Variants in TRIO observed in about 807,000 individuals in gnomAD.
TRIO encodes trio Rho guanine nucleotide exchange factor.
In TRIO, 58 loss-of-function variants were observed where a neutral mutation model predicts 351.9. The ratio of observed to expected loss-of-function variants is 0.16; its 90% CI spans 0.13 to 0.21. TRIO has a LOEUF of 0.21. Ranked by LOEUF, TRIO falls within the 10% of genes least tolerant of loss-of-function variation. The pLI, the probability that TRIO is intolerant of heterozygous loss-of-function variation, is 1.00. For synonymous variants in TRIO, 1,758 were observed against 1,595.7 expected (o/e 1.10, Z -2.42); for missense variants, 3,201 against 4,027.8 (o/e 0.79, Z 5.56).
rs548160472 is a variant in TRIO, at chr5:14,448,943, A to G, written c.5204-12076A>G. Among the ~76,000 whole-genome samples, 17 of 152,276 alleles carry G rather than the reference A, an allele frequency of 1.1e-4. 1 individual carries two copies. The highest frequency in any genetic ancestry group is 3.9e-4 in the African/African-American group (16 of 41,546). The stretch of plus-strand genomic sequence containing the variant: ...CATACTGTTCATCTTCCCAAAAAAT[A>G]TATTTTAGGGGCTGGCTTACTTAAA... On this transcript the variant is annotated intron_variant, in intron 34 of 56. Transcript: ENST00000344204.
intron 34 of TRIO, among the ~76,000 whole-genome samples, chr5:14,455,773 C>T (rs1273614829): frequency 6.6e-6 from 1 of 152,240 alleles, no homozygotes; most frequent in African/African-American, 2.4e-5. Flanking sequence ...TACAATCCTC[C>T]AGCTAGACAT....
intron 34 of TRIO, among the ~76,000 whole-genome samples, chr5:14,460,488 A>G (rs1753697298): frequency 6.6e-6 from 1 of 152,156 alleles, no homozygotes; most frequent in African/African-American, 2.4e-5. Context: ...TTTTATCCGT[A>G]ATAATTACAC....
At chr5:14,298,400 C>T (rs1323601046) in intron 7 of TRIO, among the ~76,000 whole-genome samples, 1 of 152,112 alleles carries the variant, frequency 6.6e-6, no homozygotes, top group African/African-American at 2.4e-5. Flanking sequence ...CAGGAAGACA[C>T]ATATATGGGG....
intron 34 of TRIO, among the ~76,000 whole-genome samples, chr5:14,459,287 C>T (rs905335403): frequency 2.6e-5 from 4 of 152,204 alleles, no homozygotes; most frequent in African/African-American, 4.8e-5. Flanking sequence ...CAGGGAATGG[C>T]GTCCAGAGCC....
intron 1 of TRIO, among the ~76,000 whole-genome samples, chr5:14,250,598 C>G (rs1227833620): frequency 2.0e-5 from 3 of 152,136 alleles, no homozygotes; most frequent in Non-Finnish European, 4.4e-5. Flanking sequence ...TGGGCTTTTC[C>G]CTCCCTTGCC....
At position 14,286,994 on chromosome 5, in the gene TRIO, G is replaced by A. The variant is rs754893029; in HGVS notation, c.471G>A (p.Leu157=). The change falls in exon 4 of 57, where the codon CTG becomes CTA. Residue 157 remains leucine, a synonymous_variant. Transcript: ENST00000344204. The surrounding 1 kb of genome is among the most constrained non-coding windows in gnomAD (Gnocchi z 4.4). ...TCCCCTGCTGCATCCATGTGGCCCT[G>A]ATCATCAAGCCAGACAACTTCTGGC... ...ESFPCCIHVA[L]IIKPDNFWQK... is the part of the protein sequence containing the mutation. 8.7e-6 allele frequency: 14 copies of A among 1,614,194 alleles called. No individual in the cohort carries two copies. Among genetic ancestry groups the A allele is most frequent in the Middle Eastern group, 1.6e-4 (1 of 6,062 alleles).
chr5:14,216,571 C>G (rs1452132212), intron 1 of TRIO, among the ~76,000 whole-genome samples: 1 of 152,220 alleles, frequency 6.6e-6, no homozygotes, highest in African/African-American at 2.4e-5. Flanking sequence ...TCTCATAATA[C>G]TGACATCAAG....
In TRIO at chr5:14,387,331, G is replaced by A. The variant is rs539309834; in HGVS notation, c.3571-107G>A. The A allele has an allele frequency of 2.5e-4, 297 of 1,168,184 alleles. 1 individual carries two copies. In the Admixed American group the frequency reaches 6.1e-3, roughly 24 times the overall value. 72.4% of individuals were successfully genotyped at this position (1,168,184 alleles called of 1,614,324 possible). A position where few individuals can be genotyped will look rare whatever the true frequency, so the allele number is the denominator to read the frequency against. The stretch of plus-strand genomic sequence containing the variant: ...TTGGTCTCAGTTTCTACCATCAGCC[G>A]GTTTTCCTGTTCAGAGCTCAGAGTT... On this transcript the variant is annotated intron_variant, in intron 21 of 56. Transcript: ENST00000344204.
At chr5:14,294,450 T>C (rs897845433) in intron 6 of TRIO, among the ~76,000 whole-genome samples, 13 of 152,366 alleles carry the variant, frequency 8.5e-5, no homozygotes, top group African/African-American at 3.1e-4. Flanking sequence ...CTGTCAGTTT[T>C]TTTAGAATTT....
At chr5:14,155,777 A>C (rs1046347421) in intron 1 of TRIO, among the ~76,000 whole-genome samples, 1 of 152,180 alleles carries the variant, frequency 6.6e-6, no homozygotes, top group Non-Finnish European at 1.5e-5. Context: ...CACTTGGTTC[A>C]GGTGATGACT....
At chr5:14,166,054 C>T (rs1788746281) in intron 1 of TRIO, among the ~76,000 whole-genome samples, 1 of 152,218 alleles carries the variant, frequency 6.6e-6, no homozygotes, top group African/African-American at 2.4e-5. Context: ...GTGACGGTGT[C>T]ACTCATGGCC....
chr5:14,168,998 A>G (rs892894480), intron 1 of TRIO, among the ~76,000 whole-genome samples: 5 of 152,216 alleles, frequency 3.3e-5, no homozygotes, highest in Admixed American at 2.6e-4. Flanking sequence ...TGGACTTTGC[A>G]CATGGAGCCT....
In TRIO at chr5:14,462,857, G is replaced by A. The variant is rs774835487; in HGVS notation, c.5599G>A (p.Val1867Met). Reference sequence around the variant, plus strand: ...GGAAGGCGAGGAGGGGGCCGACGCCGTGCCCCTGCCGCCACCCATGGCCAT... The same window carrying A: ...GGAAGGCGAGGAGGGGGCCGACGCCATGCCCCTGCCGCCACCCATGGCCAT... ...EEEGEEGADA[V>M]PLPPPMAIQQ... Residue 1867 changes from valine (V) to methionine (M), a missense_variant, in exon 36 of 57, where the codon GTG becomes ATG. Physicochemically the swap from Val to Met is conservative, Grantham distance 21. Transcript: ENST00000344204. The A allele has an allele frequency of 4.2e-5, 67 of 1,612,816 alleles. No homozygotes were observed. Among genetic ancestry groups the A allele is most frequent in the Non-Finnish European group, 4.8e-5 (57 of 1,179,506 alleles).
At chr5:14,198,870 C>G (rs1790927770) in intron 1 of TRIO, among the ~76,000 whole-genome samples, 1 of 152,142 alleles carries the variant, frequency 6.6e-6, no homozygotes, top group Admixed American at 6.5e-5. Context: ...TGACTCAATT[C>G]CTTGTAGATA....
intron 7 of TRIO, among the ~76,000 whole-genome samples, chr5:14,301,579 A>G (rs1737885670): frequency 6.6e-6 from 1 of 152,070 alleles, no homozygotes; most frequent in Admixed American, 6.5e-5. Context: ...GGTAACACAT[A>G]TGTGTGTGTA....
At chr5:14,212,557 T>C (rs1399693561) in intron 1 of TRIO, among the ~76,000 whole-genome samples, 2 of 152,188 alleles carry the variant, frequency 1.3e-5, no homozygotes, top group African/African-American at 2.4e-5. Flanking sequence ...GTCTGAAGTT[T>C]AAATGTTAAC....
At chr5:14,487,385 G>A (rs1232306727) in intron 47 of TRIO, 79 bp from the exon 48 acceptor site, 31 of 1,075,756 alleles carry the variant, frequency 2.9e-5, no homozygotes, top group Admixed American at 3.9e-5. Flanking sequence ...CCATCCCAGG[G>A]TGGGCCCTGT....
In TRIO at chr5:14,237,155, G is replaced by A. The variant is rs888117713; in HGVS notation, c.158-33670G>A. ...GGGACCAGAGGGGTTGTGAATTTCC[G>A]GTTTTTCTTTTAGATTTTCTTTCAG... On this transcript the variant is annotated intron_variant, in intron 1 of 56. Coordinates refer to ENST00000344204, the MANE Select transcript of TRIO (RefSeq NM_007118.4). 5.9e-5 allele frequency among the ~76,000 whole-genome samples: 9 copies of A among 152,218 alleles called. No individual in the cohort carries two copies. The South Asian group carries it at 1.7e-3, about 28-fold the overall frequency.
chr5:14,452,255 G>C (rs1048972858), intron 34 of TRIO, among the ~76,000 whole-genome samples: 1 of 152,206 alleles, frequency 6.6e-6, no homozygotes, highest in Non-Finnish European at 1.5e-5. Context: ...TCGTCGTCTC[G>C]CCGCTCTGCT....
Sources: allele counts gnomAD v4.1 joint callset (sites outside exome capture counted in the v4.1 genomes callset), GRCh38; gene constraint gnomAD v4.1.1; non-coding constraint Gnocchi (gnomAD v3.1); transcripts MANE v1.5; gene names NCBI Gene and HGNC (gene_info 2026-07-23, HGNC 2026-07-21).